The following NEIL3 variants were observed in gnomAD, a reference collection of about 807,000 sequenced individuals.
The protein encoded by NEIL3 is nei like DNA glycosylase 3, also known as endonuclease 8-like 3.
NEIL3 carries 48 observed loss-of-function variants against 57.5 expected under a neutral mutation model. That is an observed-to-expected ratio of 0.83 (90% CI 0.66 to 1.06). NEIL3 has a LOEUF of 1.06. Among genes scored for constraint, NEIL3 ranks in the 50% least tolerant of loss-of-function variants. The probability of loss-of-function intolerance (pLI) is 0.00; values close to 1 mark genes in which losing one functional copy is unlikely to be tolerated. For missense variants in NEIL3, 717 were observed against 739.1 expected, an observed-to-expected ratio of 0.97 and a Z score of 0.35; for synonymous variants, 261 against 253.2, an observed-to-expected ratio of 1.03 and a Z score of -0.29.
At chr4:177,353,914 T>G (rs950267233) in intron 8 of NEIL3, 186 bp downstream of exon 8, 2 of 580,000 alleles carry the variant, frequency 3.4e-6, no homozygotes, top group African/African-American at 3.8e-5. Context: ...TACAGGCACA[T>G]GCCATCAGGC....
intron 6 of NEIL3, among the ~76,000 whole-genome samples, chr4:177,347,785 A>G (rs1012309481): frequency 1.3e-5 from 2 of 152,228 alleles, no homozygotes; most frequent in East Asian, 1.9e-4. Flanking sequence ...AAAAATTATG[A>G]CTACAACGTT....
intron 8 of NEIL3, 180 bp downstream of exon 8, chr4:177,353,908 G>T: frequency 1.7e-6 from 1 of 591,976 alleles, no homozygotes; most frequent in East Asian, 2.9e-5. Context: ...TGAGATTACA[G>T]GCACATGCCA....
chr4:177,369,987 G>T, the NEIL3 span, among the ~76,000 whole-genome samples: 2 of 152,150 alleles, frequency 1.3e-5, no homozygotes, highest in African/African-American at 2.4e-5. Flanking sequence ...TAACAATGGC[G>T]ATAACCTTAA....
At chr4:177,330,299 G>C (rs1350142666) in intron 2 of NEIL3, among the ~76,000 whole-genome samples, 1 of 152,194 alleles carries the variant, frequency 6.6e-6, no homozygotes, top group Non-Finnish European at 1.5e-5. Flanking sequence ...ATTTTGAACT[G>C]AATGAAAATG....
chr4:177,360,699 C>T lies in NEIL3; in HGVS notation c.1635+22C>T, dbSNP rs759228588. The T allele has an allele frequency of 3.9e-6, 6 of 1,546,486 alleles. No individual in the cohort carries two copies. In the African/African-American group the frequency reaches 8.2e-5, roughly 21 times the overall value. ...TGAAGTATGTGTAAGATTTATCTAG[C>T]TTACTAAAATGTAATTAAATGCTTT... is the stretch of plus-strand genomic sequence containing the variant. On this transcript the variant is annotated intron_variant, in intron 9 of 9. Transcript: ENST00000264596.
At chr4:177,359,960 T>C (rs933959375) in intron 8 of NEIL3, among the ~76,000 whole-genome samples, 7 of 152,234 alleles carry the variant, frequency 4.6e-5, no homozygotes, top group Non-Finnish European at 8.8e-5. Context: ...AGGAATATGA[T>C]TGCGACTATT....
In NEIL3 at chr4:177,362,774, T is replaced by C. The variant is rs1056165724; in HGVS notation, c.*303T>C. ...TAGTATGCTTTTAGTCTCTTGTAACTGGGGAGAAGCAGTGTTTTTTTTTTA... is the reference window on the plus strand; with the variant it reads ...TAGTATGCTTTTAGTCTCTTGTAACCGGGGAGAAGCAGTGTTTTTTTTTTA... On this transcript the variant is annotated 3_prime_UTR_variant, in exon 10 of 10. Transcript: ENST00000264596. 1 of 190,096 alleles carries C rather than the reference T, an allele frequency of 5.3e-6. No individual in the cohort carries two copies. Among genetic ancestry groups the C allele is most frequent in the African/African-American group, 2.3e-5 (1 of 42,754 alleles). The allele number at this position is 190,096 out of a possible 1,614,324, so 11.8% of individuals were successfully genotyped here. A position where few individuals can be genotyped will look rare whatever the true frequency, so the allele number is the denominator to read the frequency against.
chr4:177,355,739 G>A (rs1560921908), intron 8 of NEIL3, among the ~76,000 whole-genome samples: 1 of 152,142 alleles, frequency 6.6e-6, no homozygotes, highest in Non-Finnish European at 1.5e-5. Flanking sequence ...GCAACCTGTA[G>A]GAATCCTTAA....
chr4:177,336,412 A>G, intron 4 of NEIL3, 91 bp downstream of exon 4: 1 of 955,696 alleles, frequency 1.0e-6, no homozygotes, highest in Admixed American at 2.2e-5. Context: ...TTTCAGTAAC[A>G]CAGTCTCATC....
intron 9 of NEIL3, among the ~76,000 whole-genome samples, chr4:177,361,374 T>G (rs1735605301): frequency 6.6e-6 from 1 of 152,208 alleles, no homozygotes; most frequent in South Asian, 2.1e-4. Context: ...GGAATAGAAC[T>G]GAAAAAAGAA....
At chr4:177,318,990 T>A (rs1408774083) in intron 1 of NEIL3, among the ~76,000 whole-genome samples, 1 of 152,204 alleles carries the variant, frequency 6.6e-6, no homozygotes, top group Non-Finnish European at 1.5e-5. Flanking sequence ...GAGGATCATC[T>A]TTCCAGATGT....
chr4:177,353,411 A>G lies in NEIL3; in HGVS notation c.1143A>G (p.Arg381=), dbSNP rs2048074. Residue 381 remains arginine (R), a synonymous_variant, in exon 8 of 10, where the codon AGA becomes AGG. Coordinates refer to ENST00000264596, the MANE Select transcript of NEIL3 (RefSeq NM_018248.3). ...GKPHTEVKIN[R]KTAFGTTTLV... Reference sequence around the variant, plus strand: ...CTCATACAGAAGTCAAGATCAACAGAAAAACTGCATTTGGAACTACAACTC... The same window carrying G: ...CTCATACAGAAGTCAAGATCAACAGGAAAACTGCATTTGGAACTACAACTC... 0.73 allele frequency: 1,183,033 copies of G among 1,612,928 alleles called. 438,695 individuals carry two copies. The highest frequency in any genetic ancestry group is 0.76 in the Non-Finnish European group (900,282 of 1,179,326).
At chr4:177,365,540 G>A (rs1214596731), downstream of NEIL3, among the ~76,000 whole-genome samples, 1 of 152,042 alleles carries the variant, frequency 6.6e-6, no homozygotes. Context: ...TCCAAAATTT[G>A]GGTGACTAAG....
chr4:177,346,873 C>T (rs961310261), intron 6 of NEIL3, among the ~76,000 whole-genome samples: 1 of 151,852 alleles, frequency 6.6e-6, no homozygotes, highest in Non-Finnish European at 1.5e-5. Context: ...GTGGCGTGCA[C>T]CTGTAGTAGT....
At chr4:177,351,878 T>A (rs905255999) in intron 7 of NEIL3, among the ~76,000 whole-genome samples, 1 of 152,174 alleles carries the variant, frequency 6.6e-6, no homozygotes, top group Admixed American at 6.5e-5. Context: ...AACTTTCGAG[T>A]TTGTTATTCA....
At chr4:177,363,853 C>T (rs1352130584), downstream of NEIL3, among the ~76,000 whole-genome samples, 1 of 152,108 alleles carries the variant, frequency 6.6e-6, no homozygotes, top group Non-Finnish European at 1.5e-5. Flanking sequence ...CGGACTCAAG[C>T]GATCCCCTAG....
At chr4:177,344,595 C>T (rs1364785818) in intron 6 of NEIL3, among the ~76,000 whole-genome samples, 1 of 151,132 alleles carries the variant, frequency 6.6e-6, no homozygotes, top group East Asian at 2.1e-4. Context: ...GAGTCTCACT[C>T]TGATCACCCA....
At chr4:177,350,447 T>C (rs1193306877) in intron 6 of NEIL3, among the ~76,000 whole-genome samples, 2 of 152,254 alleles carry the variant, frequency 1.3e-5, no homozygotes, top group African/African-American at 2.4e-5. Flanking sequence ...TCATGATTTA[T>C]ATTTGTGGCC....
rs573030546 is a variant in NEIL3 at position 177,334,311 on chromosome 4, TAAAAC to T, written c.279-1372_279-1368del. Among the ~76,000 whole-genome samples, 11 of 152,246 alleles carry T rather than the reference TAAAAC, an allele frequency of 7.2e-5. No individual in the cohort carries two copies. The South Asian group carries it at 2.3e-3, about 32-fold the overall frequency. On this transcript the variant is annotated intron_variant, in intron 2 of 9. Transcript: ENST00000264596. ...GGGCTCAATTATAATATCTATTTAATAAAACAAAATAAATAAAAATTTAAAAAAAC... is the reference window on the plus strand; with the variant it reads ...GGGCTCAATTATAATATCTATTTAATAAAATAAATAAAAATTTAAAAAAAC...
Sources: gnomAD v4.1 joint callset for allele counts (sites outside exome capture counted in the v4.1 genomes callset) on GRCh38, gnomAD v4.1.1 for gene constraint, MANE v1.5 for transcripts, NCBI Gene and HGNC (gene_info 2026-07-23, HGNC 2026-07-21) for gene names.